Variants in SPOCK3 observed in about 807,000 individuals in gnomAD.
SPOCK3 encodes the protein SPARC (osteonectin), cwcv and kazal like domains proteoglycan 3, also known as testican-3.
Under a neutral mutation model 56.6 loss-of-function variants are expected in SPOCK3, and 30 were observed. The observed-to-expected ratio is 0.53, with a 90% CI of 0.40 to 0.72. SPOCK3 has a LOEUF of 0.72. SPOCK3 is among the 30% of genes least tolerant of loss of function. The pLI is 0.00. For missense variants in SPOCK3, 527 were observed against 530.0 expected, an observed-to-expected ratio of 0.99 and a Z score of 0.06; for synonymous variants, 196 against 183.3, an observed-to-expected ratio of 1.07 and a Z score of -0.56.
chr4:167,072,365 C>T (rs924978819), intron 2 of SPOCK3, among the ~76,000 whole-genome samples: 1 of 151,884 alleles, frequency 6.6e-6, no homozygotes, highest in African/African-American at 2.4e-5. Context: ...TGCTTTAGTG[C>T]TTACCACAGC....
chr4:167,114,704 A>C (rs1453811226), intron 2 of SPOCK3, among the ~76,000 whole-genome samples: 1 of 152,156 alleles, frequency 6.6e-6, no homozygotes, highest in Non-Finnish European at 1.5e-5. Flanking sequence ...TCTGAAAATA[A>C]ATAACTCTGA....
chr4:167,024,304 G>T (rs1216648666), intron 3 of SPOCK3, among the ~76,000 whole-genome samples: 1 of 151,926 alleles, frequency 6.6e-6, no homozygotes, highest in Admixed American at 6.6e-5. Context: ...AATGAGTTTA[G>T]AAATATCATA....
chr4:167,019,431 C>T (rs549334504), intron 3 of SPOCK3, among the ~76,000 whole-genome samples: 58 of 151,468 alleles, frequency 3.8e-4, no homozygotes, highest in Admixed American at 3.2e-3. Flanking sequence ...GTTAGATATA[C>T]GTGATATACA....
intron 4 of SPOCK3, among the ~76,000 whole-genome samples, chr4:166,995,145 T>C (rs1386069957): frequency 6.6e-6 from 1 of 152,086 alleles, no homozygotes; most frequent in Non-Finnish European, 1.5e-5. Flanking sequence ...ATTCTCTGTC[T>C]CAACTTTTAT....
intron 2 of SPOCK3, among the ~76,000 whole-genome samples, chr4:167,161,315 A>G (rs1765283284): frequency 6.6e-6 from 1 of 152,212 alleles, no homozygotes; most frequent in East Asian, 1.9e-4. Context: ...GCCATCAGAG[A>G]AATGCAAATC....
chr4:166,953,266 T>C (rs866910727), intron 4 of SPOCK3, among the ~76,000 whole-genome samples: 10 of 152,152 alleles, frequency 6.6e-5, no homozygotes, highest in Admixed American at 2.0e-4. Context: ...CATCAAAAAG[T>C]GGGCGAAGGA....
rs532634144 is a variant in SPOCK3 at position 166,796,310 on chromosome 4, T to G, written c.590-4021A>C. Among the ~76,000 whole-genome samples, 14 of 152,302 alleles carry G rather than the reference T, an allele frequency of 9.2e-5. No homozygotes were observed. In the East Asian group the frequency reaches 2.7e-3, roughly 29 times the overall value. On this transcript the variant is annotated intron_variant, in intron 6 of 10. Transcript: ENST00000357545. ...ATCTGGCAATATGAGTTGTTAATTA[T>G]GATTATGTTATACAATAAGGAAGCT...
chr4:166,745,168 C>A (rs1235117702), intron 8 of SPOCK3, among the ~76,000 whole-genome samples: 1 of 152,008 alleles, frequency 6.6e-6, no homozygotes, highest in Non-Finnish European at 1.5e-5. Flanking sequence ...AGAAGAGCAA[C>A]CCCAAGACAC....
chr4:167,086,281 C>A (rs1758190124), intron 2 of SPOCK3, among the ~76,000 whole-genome samples: 1 of 152,064 alleles, frequency 6.6e-6, no homozygotes. Context: ...AAATGAACCA[C>A]ATTTTAATTA....
At position 167,191,880 on chromosome 4, in the gene SPOCK3, A is replaced by T. The variant is rs976508425; in HGVS notation, c.189+42105T>A. On this transcript the variant is annotated intron_variant, in intron 2 of 10. Coordinates refer to ENST00000357545, the MANE Select transcript of SPOCK3 (RefSeq NM_001040159.2). ...TCTTGATCTTAGGAAAAAAACCTTC[A>T]GTTTTCACCATTTAATATAAGGTTG... is the stretch of plus-strand genomic sequence containing the variant. Among the ~76,000 whole-genome samples, 10 of 145,538 alleles carry T rather than the reference A, an allele frequency of 6.9e-5. 2 individuals carry two copies. The highest frequency in any genetic ancestry group is 1.3e-4 in the Non-Finnish European group (9 of 66,674).
At chr4:167,233,218 C>A (rs1320088090) in intron 2 of SPOCK3, among the ~76,000 whole-genome samples, 1 of 152,132 alleles carries the variant, frequency 6.6e-6, no homozygotes, top group Non-Finnish European at 1.5e-5. Flanking sequence ...GACTGGCAAG[C>A]CATGGCCACT....
At chr4:166,947,343 T>C (rs1171039550) in intron 4 of SPOCK3, among the ~76,000 whole-genome samples, 1 of 152,208 alleles carries the variant, frequency 6.6e-6, no homozygotes, top group Non-Finnish European at 1.5e-5. Context: ...TTTTCTAAAC[T>C]TTTAGAGCGT....
At chr4:167,010,049 A>C (rs1031200455) in intron 3 of SPOCK3, among the ~76,000 whole-genome samples, 34 of 152,138 alleles carry the variant, frequency 2.2e-4, no homozygotes, top group Non-Finnish European at 4.4e-5. Context: ...CATTATGCTG[A>C]AACTGCAAAG....
intron 4 of SPOCK3, among the ~76,000 whole-genome samples, chr4:166,974,133 C>G (rs552507826): frequency 6.6e-6 from 1 of 152,224 alleles, no homozygotes; most frequent in South Asian, 2.1e-4. Flanking sequence ...TTAAGATTCT[C>G]ATGGAAGTCT....
chr4:167,159,506 T>C (rs10023976), intron 2 of SPOCK3, among the ~76,000 whole-genome samples: 1,689 of 152,088 alleles, frequency 0.011, 35 homozygotes, highest in African/African-American at 0.039. Context: ...TTCCAATCAA[T>C]AGAAAAAGAA....
chr4:166,853,867 G>A (rs1730387212), intron 6 of SPOCK3, among the ~76,000 whole-genome samples: 1 of 151,806 alleles, frequency 6.6e-6, no homozygotes, highest in South Asian at 2.1e-4. Context: ...GGGCGACAGA[G>A]GAAGACTCTC....
intron 6 of SPOCK3, among the ~76,000 whole-genome samples, chr4:166,824,817 A>T (rs927683791): frequency 1.3e-5 from 2 of 152,078 alleles, no homozygotes; most frequent in African/African-American, 4.8e-5. Flanking sequence ...CATCAATCCC[A>T]TTATTTTTAC....
At chr4:167,052,345 T>A (rs920413525) in intron 3 of SPOCK3, among the ~76,000 whole-genome samples, 11 of 152,152 alleles carry the variant, frequency 7.2e-5, no homozygotes, top group African/African-American at 2.7e-4. Context: ...TAGCAGGTTT[T>A]CCTCAGGGAT....
chr4:166,847,198 T>C (rs1748143393), intron 6 of SPOCK3, among the ~76,000 whole-genome samples: 1 of 152,128 alleles, frequency 6.6e-6, no homozygotes, highest in Non-Finnish European at 1.5e-5. Flanking sequence ...GATGTAAGTT[T>C]CTTTTTCAAG....
Sources: gnomAD v4.1 joint callset for allele counts (sites outside exome capture counted in the v4.1 genomes callset) on GRCh38, gnomAD v4.1.1 for gene constraint, MANE v1.5 for transcripts, NCBI Gene and HGNC (gene_info 2026-07-23, HGNC 2026-07-21) for gene names.